Variants in MBTD1 observed in about 807,000 individuals in gnomAD.
MBTD1 encodes the protein MBT domain-containing protein 1.
In MBTD1, 24 loss-of-function variants were observed where a neutral mutation model predicts 87.8. The observed-to-expected ratio is 0.27, with a 90% CI of 0.20 to 0.38. The LOEUF is 0.38. MBTD1 is among the 10% of genes least tolerant of loss of function. MBTD1 has a pLI of 1.00. For missense variants in MBTD1, 436 were observed against 760.2 expected (o/e 0.57, Z 5.02); for synonymous variants, 237 against 248.6 (o/e 0.95, Z 0.44).
chr17:51,260,133 T>C (rs963871126), upstream of MBTD1: 4 of 361,270 alleles, frequency 1.1e-5, no homozygotes, highest in Non-Finnish European at 2.0e-5. Flanking sequence ...CCTCTCTCGC[T>C]TCCACCGTGG....
chr17:51,210,386 G>A (rs1050098339), intron 6 of MBTD1, among the ~76,000 whole-genome samples: 1 of 152,140 alleles, frequency 6.6e-6, no homozygotes, highest in Non-Finnish European at 1.5e-5. Context: ...AGGAAAATGG[G>A]AGGCCTAGGG....
intron 2 of MBTD1, among the ~76,000 whole-genome samples, chr17:51,256,084 T>C (rs562415706): frequency 6.6e-6 from 1 of 152,268 alleles, no homozygotes; most frequent in South Asian, 2.1e-4. Flanking sequence ...AGACTAGTAG[T>C]AGGAATTAAA....
chr17:51,235,353 G>C (rs2053774398), intron 2 of MBTD1, among the ~76,000 whole-genome samples: 1 of 151,948 alleles, frequency 6.6e-6, no homozygotes, highest in African/African-American at 2.4e-5. Flanking sequence ...GGCCAGGCTG[G>C]ACTCGAACTC....
chr17:51,180,511 T>C lies in MBTD1; in HGVS notation c.*65A>G. On this transcript the variant is annotated 3_prime_UTR_variant, in exon 17 of 17. Transcript: ENST00000586178. Reference sequence around the variant, plus strand: ...CCAGTAGAGTAGCCCCCTGTACAGCTGGATTGATTATAAATCAGTCCTGTG... The same window carrying C: ...CCAGTAGAGTAGCCCCCTGTACAGCCGGATTGATTATAAATCAGTCCTGTG... The C allele has an allele frequency of 1.4e-6, 1 of 701,270 alleles. No individual in the cohort carries two copies. Among genetic ancestry groups the C allele is most frequent in the South Asian group, 1.6e-5 (1 of 61,292 alleles). The allele number at this position is 701,270 out of a possible 1,614,324, so 43.4% of individuals were successfully genotyped here.
intron 6 of MBTD1, among the ~76,000 whole-genome samples, chr17:51,210,065 G>C (rs1053450694): frequency 5.3e-5 from 8 of 152,028 alleles, no homozygotes; most frequent in African/African-American, 4.8e-5. Flanking sequence ...GAAGTGGCGC[G>C]ATCTCGGCTC....
intron 2 of MBTD1, among the ~76,000 whole-genome samples, chr17:51,235,684 C>G (rs899459653): frequency 3.3e-5 from 5 of 152,140 alleles, no homozygotes; most frequent in Non-Finnish European, 7.3e-5. Context: ...GGAAGACGTA[C>G]TATGTTCATG....
intron 4 of MBTD1, among the ~76,000 whole-genome samples, chr17:51,220,003 G>A (rs574529573): frequency 6.6e-6 from 1 of 152,304 alleles, no homozygotes; most frequent in Non-Finnish European, 1.5e-5. Flanking sequence ...CTACCTTGAT[G>A]TTAACACAAA....
At chr17:51,250,487 T>A (rs962638980) in intron 2 of MBTD1, 2 of 152,214 alleles carry the variant, frequency 1.3e-5, no homozygotes, top group African/African-American at 4.8e-5. Context: ...GCAGCCCTAA[T>A]ACCTGGACAA....
At chr17:51,238,003 A>C (rs565165127) in intron 2 of MBTD1, among the ~76,000 whole-genome samples, 30 of 152,314 alleles carry the variant, frequency 2.0e-4, no homozygotes, top group African/African-American at 7.2e-4. Context: ...GCCAGACCCA[A>C]AAACGTCTTA....
intron 2 of MBTD1, among the ~76,000 whole-genome samples, chr17:51,247,114 G>T (rs59649592): frequency 2.0e-5 from 3 of 152,006 alleles, no homozygotes; most frequent in African/African-American, 7.3e-5. Context: ...TAAAAATATT[G>T]TATGTTAAGG....
intron 2 of MBTD1, among the ~76,000 whole-genome samples, chr17:51,247,837 C>T (rs2054538928): frequency 6.6e-6 from 1 of 152,170 alleles, no homozygotes; most frequent in Non-Finnish European, 1.5e-5. Flanking sequence ...GCAGAATTCC[C>T]CTGTGAAACC....
chr17:51,253,286 C>A (rs1197118847), intron 2 of MBTD1, among the ~76,000 whole-genome samples: 1 of 152,068 alleles, frequency 6.6e-6, no homozygotes, highest in Non-Finnish European at 1.5e-5. Context: ...AATGGCTATG[C>A]CTTTTGACTA....
Position 51,260,012 on chromosome 17 carries a change from C to T in MBTD1, c.-290G>A, listed in dbSNP as rs2055381359. 3 of 489,970 alleles carry T rather than the reference C, an allele frequency of 6.1e-6. No homozygotes were observed. The highest frequency in any genetic ancestry group is 4.4e-5 in the Admixed American group (1 of 22,714). 30.4% of individuals were successfully genotyped at this position (489,970 alleles called of 1,614,324 possible). A position where few individuals can be genotyped will look rare whatever the true frequency, so the allele number is the denominator to read the frequency against. On this transcript the variant is annotated 5_prime_UTR_variant, in exon 1 of 17. Transcript: ENST00000586178. Reference sequence around the variant, plus strand: ...GGGTGCAGCAGCCCCCGGATTTCCCCCCTTTAACTCGGGTGGCCCCAGGAT... The same window carrying T: ...GGGTGCAGCAGCCCCCGGATTTCCCTCCTTTAACTCGGGTGGCCCCAGGAT...
intron 6 of MBTD1, among the ~76,000 whole-genome samples, chr17:51,210,580 A>C (rs922521808): frequency 2.6e-5 from 4 of 151,742 alleles, no homozygotes; most frequent in African/African-American, 9.7e-5. Context: ...ATATGGAGAA[A>C]TCCTGTCTCT....
At chr17:51,192,338 A>C (rs2050853626) in intron 15 of MBTD1, 58 bp from the exon 16 acceptor site, 1 of 1,176,892 alleles carries the variant, frequency 8.5e-7, no homozygotes, top group African/African-American at 1.5e-5. Context: ...TAGACGATAC[A>C]GTTGTCTAGA....
intron 2 of MBTD1, among the ~76,000 whole-genome samples, chr17:51,238,709 A>T (rs549475379): frequency 2.0e-4 from 30 of 152,228 alleles, no homozygotes; most frequent in Non-Finnish European, 3.5e-4. Flanking sequence ...ACAAAGTTGT[A>T]TCAGAAAGGA....
intron 2 of MBTD1, among the ~76,000 whole-genome samples, chr17:51,237,694 TCATA>T (rs1296137111): frequency 1.3e-5 from 2 of 152,292 alleles, no homozygotes; most frequent in East Asian, 3.9e-4. Flanking sequence ...AATGGAACTC[TCATA>T]CATTGTGGAT....
At chr17:51,195,881 C>T (rs1436087437) in intron 12 of MBTD1, among the ~76,000 whole-genome samples, 15 of 152,182 alleles carry the variant, frequency 9.9e-5, no homozygotes, top group Non-Finnish European at 1.8e-4. Context: ...TTCATTTCTT[C>T]ACGCCTCAGA....
chr17:51,226,873 C>T (rs1028483824), intron 2 of MBTD1, among the ~76,000 whole-genome samples: 5 of 151,814 alleles, frequency 3.3e-5, no homozygotes, highest in Admixed American at 6.6e-5. Flanking sequence ...CTCAAGTGAT[C>T]GCCTGCCTTG....
Sources: allele counts gnomAD v4.1 joint callset (sites outside exome capture counted in the v4.1 genomes callset), GRCh38; gene constraint gnomAD v4.1.1; transcripts MANE v1.5; gene names NCBI Gene and HGNC (gene_info 2026-07-23, HGNC 2026-07-21).